THSD7B: variants seen among roughly 807,000 people sequenced by gnomAD.
The protein encoded by THSD7B is thrombospondin type 1 domain containing 7B, also known as thrombospondin type-1 domain-containing protein 7B.
In THSD7B, 138 loss-of-function variants were observed where a neutral mutation model predicts 213.6. The observed-to-expected ratio is 0.65, with a 90% CI of 0.56 to 0.74. The LOEUF (loss-of-function observed/expected upper bound fraction) is 0.74, where lower values mean the gene tolerates loss of function less well. Among genes scored for constraint, THSD7B ranks in the 30% least tolerant of loss-of-function variants. The pLI is 0.00. For missense variants in THSD7B, 1,931 were observed against 1,991.5 expected, an observed-to-expected ratio of 0.97 and a Z score of 0.58; for synonymous variants, 742 against 687.0, an observed-to-expected ratio of 1.08 and a Z score of -1.25.
At chr2:136,909,377 T>A (rs1422338465) in intron 2 of THSD7B, among the ~76,000 whole-genome samples, 1 of 152,162 alleles carries the variant, frequency 6.6e-6, no homozygotes, top group Non-Finnish European at 1.5e-5. Context: ...AATAGCAAGA[T>A]AACTTTCCTT....
At chr2:137,258,625 GCACACATGGAAAGATACACACAGA>G (rs1682363247) in intron 10 of THSD7B, among the ~76,000 whole-genome samples, 1 of 150,692 alleles carries the variant, frequency 6.6e-6, no homozygotes, top group Non-Finnish European at 1.5e-5. Flanking sequence ...CCCGCCACAG[GCACACATGGAAAGATACACACAGA>G]CACACATACC....
At chr2:136,920,674 C>T (rs1684421039) in intron 2 of THSD7B, among the ~76,000 whole-genome samples, 1 of 152,110 alleles carries the variant, frequency 6.6e-6, no homozygotes, top group African/African-American at 2.4e-5. Context: ...GGTAAGCTAC[C>T]CCTTCCCACC....
intron 5 of THSD7B, among the ~76,000 whole-genome samples, chr2:137,146,609 T>G (rs1339148939): frequency 6.6e-6 from 1 of 152,132 alleles, no homozygotes; most frequent in Non-Finnish European, 1.5e-5. Context: ...TGTGATCTAG[T>G]CCAAGCATTC....
intron 12 of THSD7B, among the ~76,000 whole-genome samples, chr2:137,353,787 A>G (rs1239516630): frequency 6.6e-6 from 1 of 152,124 alleles, no homozygotes; most frequent in Non-Finnish European, 1.5e-5. Flanking sequence ...TTTCTTTCTT[A>G]CCTTTCAGAA....
At chr2:136,790,153 G>T (rs1017175740) in intron 1 of THSD7B, among the ~76,000 whole-genome samples, 27 of 151,438 alleles carry the variant, frequency 1.8e-4, no homozygotes, top group African/African-American at 6.5e-4. Flanking sequence ...TTGTGTGTGT[G>T]TTTATTATAC....
chr2:136,999,974 A>G (rs1423725978), intron 2 of THSD7B, among the ~76,000 whole-genome samples: 1 of 152,106 alleles, frequency 6.6e-6, no homozygotes, highest in Non-Finnish European at 1.5e-5. Context: ...TCCAATTCCA[A>G]TTGAAGAATT....
At chr2:136,831,252 C>G (rs923477459) in intron 1 of THSD7B, among the ~76,000 whole-genome samples, 2 of 150,678 alleles carry the variant, frequency 1.3e-5, no homozygotes, top group African/African-American at 4.9e-5. Flanking sequence ...ATATGGATCT[C>G]AGTTAAAGAT....
At chr2:137,593,645 T>C (rs996793240) in intron 17 of THSD7B, among the ~76,000 whole-genome samples, 28 of 152,000 alleles carry the variant, frequency 1.8e-4, no homozygotes, top group African/African-American at 6.3e-4. Context: ...TTGATTTAAA[T>C]AAGTTATTTG....
intron 12 of THSD7B, among the ~76,000 whole-genome samples, chr2:137,337,688 T>C (rs1684670960): frequency 6.6e-6 from 1 of 152,134 alleles, no homozygotes; most frequent in African/African-American, 2.4e-5. Context: ...GATTTCCAAA[T>C]AGTGATTATC....
Position 136,860,016 on chromosome 2 carries a change from A to ATTTTTT in THSD7B, c.-35-22114_-35-22109dup, listed in dbSNP as rs3084113. On this transcript the variant is annotated intron_variant, in intron 1 of 27. Coordinates refer to ENST00000409968, the MANE Select transcript of THSD7B (RefSeq NM_001316349.2). ...AGTAGATTCGAGAAAACAATTCATG[A>ATTTTTT]TTTTTTTTTTTTTTTTTTTGAGATG... Among the ~76,000 whole-genome samples the ATTTTTT allele has an allele frequency of 2.3e-3, 275 of 120,452 alleles. 7 individuals carry two copies. Among genetic ancestry groups the ATTTTTT allele is most frequent in the East Asian group, 5.1e-3 (19 of 3,750 alleles). The allele number at this position is 120,452 out of a possible 152,430, so 79.0% of individuals were successfully genotyped here. A position where few individuals can be genotyped will look rare whatever the true frequency, so the allele number is the denominator to read the frequency against.
chr2:137,560,934 G>A (rs1478025552), intron 15 of THSD7B, among the ~76,000 whole-genome samples: 6 of 152,098 alleles, frequency 3.9e-5, no homozygotes, highest in African/African-American at 1.4e-4. Flanking sequence ...GCCTTGTGTT[G>A]TGATGGGGTT....
At chr2:137,538,745 C>G (rs1157158119) in intron 15 of THSD7B, among the ~76,000 whole-genome samples, 3 of 151,630 alleles carry the variant, frequency 2.0e-5, no homozygotes, top group Admixed American at 2.0e-4. Flanking sequence ...CTTAAATTGG[C>G]CATGCCTGGC....
At chr2:137,465,140 T>G (rs561067985) in intron 15 of THSD7B, among the ~76,000 whole-genome samples, 108 of 152,142 alleles carry the variant, frequency 7.1e-4, no homozygotes, top group African/African-American at 2.5e-3. Context: ...TAATCCTTTT[T>G]TCTACCACTG....
chr2:137,305,580 A>T (rs994804946), intron 12 of THSD7B, among the ~76,000 whole-genome samples: 3 of 152,148 alleles, frequency 2.0e-5, no homozygotes, highest in African/African-American at 7.2e-5. Context: ...GAAAGGTAGA[A>T]AAATTGTAGG....
chr2:137,667,708 C>A, intron 26 of THSD7B, 66 bp from the exon 27 acceptor site: 1 of 1,320,334 alleles, frequency 7.6e-7, no homozygotes, highest in Non-Finnish European at 1.1e-6. Flanking sequence ...TCTGATGTTG[C>A]CCTATCTCTC....
chr2:136,766,038 C>T (rs1026976297), intron 1 of THSD7B, among the ~76,000 whole-genome samples: 1 of 152,202 alleles, frequency 6.6e-6, no homozygotes, highest in African/African-American at 2.4e-5. Flanking sequence ...TTCCCTTCAC[C>T]TCCAGCTTGG....
intron 2 of THSD7B, among the ~76,000 whole-genome samples, chr2:137,019,590 G>T (rs945359204): frequency 4.6e-5 from 7 of 152,164 alleles, no homozygotes; most frequent in Non-Finnish European, 1.0e-4. Flanking sequence ...CCTATCCTTT[G>T]CCAGGCTCTT....
In THSD7B at chr2:137,258,397, A is replaced by G. The variant is rs376198425; in HGVS notation, c.2267-14136A>G. On this transcript the variant is annotated intron_variant, in intron 10 of 27. Transcript: ENST00000409968. ...CCTCTTTTGCTCTCATTCCCTCTCA[A>G]TGATCCAGCCACACCTGTGCTGTTG... is the stretch of plus-strand genomic sequence containing the variant. Among the ~76,000 whole-genome samples, 5 of 152,004 alleles carry G rather than the reference A, an allele frequency of 3.3e-5. No homozygotes were observed. The East Asian group carries it at 9.7e-4, about 29-fold the overall frequency.
intron 7 of THSD7B, among the ~76,000 whole-genome samples, chr2:137,227,187 A>T (rs1431556097): frequency 6.6e-6 from 1 of 152,180 alleles, no homozygotes; most frequent in African/African-American, 2.4e-5. Flanking sequence ...CAAAACAGTT[A>T]ATTTTATGTT....
Sources: allele counts gnomAD v4.1 joint callset (sites outside exome capture counted in the v4.1 genomes callset), GRCh38; gene constraint gnomAD v4.1.1; transcripts MANE v1.5; gene names NCBI Gene and HGNC (gene_info 2026-07-23, HGNC 2026-07-21).